Variants in ANKUB1 observed in about 807,000 individuals in gnomAD.
ANKUB1 encodes the protein ankyrin repeat and ubiquitin domain containing 1.
A neutral mutation model predicts 49.3 loss-of-function variants in ANKUB1; 42 were observed. The observed-to-expected ratio is 0.85, with a 90% CI of 0.67 to 1.10. ANKUB1 has a LOEUF of 1.10. Ranked by LOEUF, ANKUB1 falls within the 50% of genes least tolerant of loss-of-function variation. The probability of loss-of-function intolerance (pLI) is 0.00; values close to 1 mark genes in which losing one functional copy is unlikely to be tolerated. For synonymous variants in ANKUB1, 222 were observed against 231.0 expected (o/e 0.96, Z 0.35); for missense variants, 613 against 642.0 (o/e 0.95, Z 0.49).
chr3:149,785,140 G>A lies in ANKUB1; in HGVS notation c.235-4685C>T, dbSNP rs542130104. 7.9e-5 allele frequency among the ~76,000 whole-genome samples: 12 copies of A among 152,156 alleles called. No homozygotes were observed. The East Asian group carries it at 2.3e-3, about 29-fold the overall frequency. ...ACCGCAACACCATCAGCAATAAATC[G>A]TCAGGACTGGCTCCTGTATTAATAG... On this transcript the variant is annotated intron_variant, in intron 2 of 5. Transcript: ENST00000446160.
chr3:149,768,061 A>G lies in ANKUB1; in HGVS notation c.601T>C (p.Phe201Leu), dbSNP rs1717145365. Reference sequence around the variant, plus strand: ...TCAGTGAGTTCAATGTACCCACAAAAAGCAGCAATGTACAGGGCTACCCTT... The same window carrying G: ...TCAGTGAGTTCAATGTACCCACAAAGAGCAGCAATGTACAGGGCTACCCTT... Reference protein sequence around the residue: ...QKRVALYIAAFCGYIELTEWA... With the variant: ...QKRVALYIAALCGYIELTEWA... The change falls in exon 5 of 6, where the codon TTT (phenylalanine) becomes CTT (leucine). Residue 201 changes from phenylalanine (F) to leucine (L), a missense_variant. Physicochemically the swap from Phe to Leu is conservative, Grantham distance 22 (BLOSUM62 0). Coordinates refer to ENST00000446160, the MANE Select transcript of ANKUB1 (RefSeq NM_001144960.3). The G allele has an allele frequency of 6.9e-7, 1 of 1,449,272 alleles. No homozygotes were observed. The highest frequency in any genetic ancestry group is 9.1e-7 in the Non-Finnish European group (1 of 1,096,020). 89.8% of individuals were successfully genotyped at this position (1,449,272 alleles called of 1,614,324 possible).
At chr3:149,789,238 C>T (rs933532686) in intron 2 of ANKUB1, among the ~76,000 whole-genome samples, 2 of 152,126 alleles carry the variant, frequency 1.3e-5, no homozygotes, top group African/African-American at 4.8e-5. Flanking sequence ...TTGTCTACAT[C>T]CCTGAAAAGC....
chr3:149,790,249 C>T (rs1178031240), intron 2 of ANKUB1, among the ~76,000 whole-genome samples: 11 of 152,072 alleles, frequency 7.2e-5, no homozygotes, highest in Non-Finnish European at 2.9e-5. Flanking sequence ...GTTCTTAAAG[C>T]CCAACCGTGC....
chr3:149,788,192 A>T (rs188654336), intron 2 of ANKUB1, among the ~76,000 whole-genome samples: 102 of 152,330 alleles, frequency 6.7e-4, no homozygotes, highest in African/African-American at 2.4e-3. Context: ...AGCCTTGGTA[A>T]CCTGAGATAG....
intron 5 of ANKUB1, among the ~76,000 whole-genome samples, chr3:149,766,366 C>T (rs150467943): frequency 4.1e-4 from 63 of 152,232 alleles, no homozygotes; most frequent in Admixed American, 2.2e-3. Flanking sequence ...ATTTTCATTA[C>T]CATTTAGTTT....
intron 2 of ANKUB1, among the ~76,000 whole-genome samples, chr3:149,790,490 C>G (rs1718311541): frequency 6.6e-6 from 1 of 152,110 alleles, no homozygotes; most frequent in Non-Finnish European, 1.5e-5. Flanking sequence ...AGATCTGCCC[C>G]TTGGCTTTGT....
At chr3:149,781,075 C>T (rs2108275620) in intron 2 of ANKUB1, among the ~76,000 whole-genome samples, 1 of 151,312 alleles carries the variant, frequency 6.6e-6, no homozygotes, top group South Asian at 2.1e-4. Context: ...ATCTTCCTAC[C>T]TTGGCCTCCC....
chr3:149,770,089 C>A (rs1717261699), intron 4 of ANKUB1, among the ~76,000 whole-genome samples: 1 of 152,232 alleles, frequency 6.6e-6, no homozygotes, highest in South Asian at 2.1e-4. Flanking sequence ...AATATATTTT[C>A]TTTTCCTTAT....
rs1358076370 is a variant in ANKUB1 at position 149,761,437 on chromosome 3, A to T, written c.*47T>A. The T allele has an allele frequency of 1.3e-6, 2 of 1,545,304 alleles. No homozygotes were observed. ...AGAAATGTTAACATTAGAACTGGAC[A>T]TTCTGTTTGATCAGGTCTTTGTCCA... On this transcript the variant is annotated 3_prime_UTR_variant, in exon 6 of 6. Transcript: ENST00000446160.
intron 5 of ANKUB1, chr3:149,766,638 G>GA (rs34032365): frequency 0.014 from 6,153 of 434,974 alleles, no homozygotes; most frequent in Middle Eastern, 0.023. Flanking sequence ...CATCTCTACA[G>GA]AAAAAAAAAA....
rs1717126416 is a variant in ANKUB1 at position 149,767,883 on chromosome 3, A to T, written c.779T>A (p.Val260Asp). Residue 260 changes from valine to aspartate, a missense_variant, in exon 5 of 6, where the codon GTC becomes GAC. Coordinates refer to ENST00000446160, the MANE Select transcript of ANKUB1 (RefSeq NM_001144960.3). ...TTCCAGGCACAGCACACTGTAGTTG[A>T]CAAAGGCCTTCAGAATCAACAGTTG... The part of the protein sequence containing the change: ...AGQLLILKAF[V>D]NYSVLCLECK... The T allele has an allele frequency of 1.3e-6, 2 of 1,551,506 alleles. No individual in the cohort carries two copies. The highest frequency in any genetic ancestry group is 1.7e-6 in the Non-Finnish European group (2 of 1,146,932).
intron 2 of ANKUB1, among the ~76,000 whole-genome samples, chr3:149,782,818 G>A (rs1194492141): frequency 3.3e-5 from 5 of 152,186 alleles, no homozygotes; most frequent in African/African-American, 9.6e-5. Flanking sequence ...GGGATTACAG[G>A]AGTGAGCTTC....
chr3:149,770,795 C>A (rs1459269405), intron 3 of ANKUB1, 121 bp from the exon 4 acceptor site: 4 of 627,326 alleles, frequency 6.4e-6, no homozygotes, highest in Non-Finnish European at 1.1e-5. Flanking sequence ...TGAAAAATAA[C>A]CTTGGAACAA....
rs1201393263 is a variant in ANKUB1, at chr3:149,792,333, C to T, written c.34G>A (p.Glu12Lys). The T allele has an allele frequency of 6.5e-7, 1 of 1,530,300 alleles. No homozygotes were observed. The highest frequency in any genetic ancestry group is 2.1e-5 in the Admixed American group (1 of 48,336). 94.8% of individuals were successfully genotyped at this position (1,530,300 alleles called of 1,614,324 possible). A position where few individuals can be genotyped will look rare whatever the true frequency, so the allele number is the denominator to read the frequency against. Reference sequence around the variant, plus strand: ...TCATCTGCTGAAACATCAAACGGTTCAAAAGATCCTTCAAAGGCGATGAAA... The same window carrying T: ...TCATCTGCTGAAACATCAAACGGTTTAAAAGATCCTTCAAAGGCGATGAAA... ...RIFIAFEGSF[E>K]PFDVSADETV... The change falls in exon 1 of 6, where the codon GAA (glutamate) becomes AAA (lysine). Residue 12 changes from glutamate to lysine, a missense_variant. By Grantham distance (56) the Glu-to-Lys change is moderately conservative. Transcript: ENST00000446160.
chr3:149,790,774 A>T lies in ANKUB1; in HGVS notation c.234+7T>A. On this transcript the variant is annotated splice_region_variant and intron_variant, in intron 2 of 5. Coordinates refer to ENST00000446160, the MANE Select transcript of ANKUB1 (RefSeq NM_001144960.3). Reference sequence around the variant, plus strand: ...ATCTTAGACGAATATTATCCTGACCATCATACCTTAACAAAGCATTTGAGA... The same window carrying T: ...ATCTTAGACGAATATTATCCTGACCTTCATACCTTAACAAAGCATTTGAGA... 1.3e-6 allele frequency: 2 copies of T among 1,548,538 alleles called. No homozygotes were observed. Among genetic ancestry groups the T allele is most frequent in the Non-Finnish European group, 1.7e-6 (2 of 1,145,996 alleles).
At chr3:149,764,862 CA>C (rs142318853) in intron 5 of ANKUB1, among the ~76,000 whole-genome samples, 103 of 142,802 alleles carry the variant, frequency 7.2e-4, no homozygotes, top group African/African-American at 1.4e-3. Flanking sequence ...AATGTAGCTA[CA>C]AAAAAAAAAG....
intron 1 of ANKUB1, among the ~76,000 whole-genome samples, chr3:149,791,611 G>A (rs1478557170): frequency 6.6e-6 from 1 of 152,158 alleles, no homozygotes; most frequent in African/African-American, 2.4e-5. Context: ...CTATGGTTCA[G>A]TAAATGCCGC....
intron 3 of ANKUB1, 69 bp downstream of exon 3, chr3:149,780,170 G>T: frequency 7.8e-7 from 1 of 1,289,952 alleles, no homozygotes; most frequent in Non-Finnish European, 1.1e-6. Flanking sequence ...CTCTTGAAAA[G>T]CTGCAAAATC....
chr3:149,784,489 A>T (rs922017716), intron 2 of ANKUB1, among the ~76,000 whole-genome samples: 2 of 152,182 alleles, frequency 1.3e-5, no homozygotes. Context: ...GCCTGGCAGC[A>T]GGGCTGGCAG....
Sources: gnomAD v4.1 joint callset for allele counts (sites outside exome capture counted in the v4.1 genomes callset) on GRCh38, gnomAD v4.1.1 for gene constraint, MANE v1.5 for transcripts, NCBI Gene and HGNC (gene_info 2026-07-23, HGNC 2026-07-21) for gene names.